Variants in MRPS27 observed in about 807,000 individuals in gnomAD.
MRPS27 encodes mitochondrial ribosomal protein S27.
MRPS27 carries 43 observed loss-of-function variants against 48.9 expected under a neutral mutation model. The ratio of observed to expected loss-of-function variants is 0.88; its 90% CI spans 0.69 to 1.13. The LOEUF is 1.13. Ranked by LOEUF, MRPS27 falls within the 50% of genes most tolerant of loss-of-function variation. The pLI is 0.00. For missense variants in MRPS27, 467 were observed against 476.3 expected (o/e 0.98, Z 0.18); for synonymous variants, 188 against 171.9 (o/e 1.09, Z -0.73).
Position 72,270,634 on chromosome 5 carries a change from G to A in MRPS27, c.281+24897C>T, listed in dbSNP as rs562953776. Among the ~76,000 whole-genome samples, 3 of 152,236 alleles carry A rather than the reference G, an allele frequency of 2.0e-5. No homozygotes were observed. The East Asian group carries it at 5.8e-4, about 29-fold the overall frequency. ...AAACAAACTTTCAGAAAATAAAGAA[G>A]GGAACATTTCCCAATACATTTTGTG... On this transcript the variant is annotated intron_variant, in intron 4 of 10. Coordinates refer to ENST00000261413, the MANE Select transcript of MRPS27 (RefSeq NM_015084.3).
chr5:72,280,882 C>T (rs909524992), intron 4 of MRPS27, among the ~76,000 whole-genome samples: 6 of 152,194 alleles, frequency 3.9e-5, no homozygotes, highest in Non-Finnish European at 5.9e-5. Context: ...TCTGTTGCCC[C>T]CTTCTGGTTT....
chr5:72,303,595 C>T (rs1306159200), intron 2 of MRPS27, among the ~76,000 whole-genome samples: 1 of 151,638 alleles, frequency 6.6e-6, no homozygotes, highest in African/African-American at 2.4e-5. Context: ...TCAAAAGTGG[C>T]CAGAAAGAAA....
At chr5:72,264,586 T>C (rs1017022116) in intron 4 of MRPS27, among the ~76,000 whole-genome samples, 6 of 152,112 alleles carry the variant, frequency 3.9e-5, no homozygotes, top group Non-Finnish European at 8.8e-5. Context: ...CTTAATCCAA[T>C]ACAATTGACA....
intron 2 of MRPS27, among the ~76,000 whole-genome samples, chr5:72,304,835 C>T (rs942515187): frequency 1.3e-5 from 2 of 152,164 alleles, no homozygotes; most frequent in Non-Finnish European, 2.9e-5. Context: ...TACATAACTG[C>T]ACATTACTGT....
intron 2 of MRPS27, among the ~76,000 whole-genome samples, chr5:72,308,488 C>T (rs1173282108): frequency 1.3e-5 from 2 of 152,186 alleles, no homozygotes; most frequent in African/African-American, 4.8e-5. Context: ...CAGCGCTCCA[C>T]ATGCTGGGCG....
intron 2 of MRPS27, among the ~76,000 whole-genome samples, chr5:72,303,818 G>C (rs1750183992): frequency 6.7e-6 from 1 of 149,956 alleles, no homozygotes; most frequent in South Asian, 2.1e-4. Context: ...GGAGGCTGAG[G>C]TGGGAGGATC....
chr5:72,272,053 G>C (rs1389499889), intron 4 of MRPS27, among the ~76,000 whole-genome samples: 1 of 151,976 alleles, frequency 6.6e-6, no homozygotes, highest in East Asian at 1.9e-4. Context: ...AACAAAGTAA[G>C]GATGGTTGCA....
chr5:72,314,191 G>C (rs1227852889), intron 1 of MRPS27, 33 bp from the exon 2 acceptor site: 1 of 1,494,048 alleles, frequency 6.7e-7, no homozygotes, highest in South Asian at 1.1e-5. Context: ...CAACACACAT[G>C]GTTTTACAAG....
intron 10 of MRPS27, among the ~76,000 whole-genome samples, chr5:72,222,972 G>T (rs1747789063): frequency 6.6e-6 from 1 of 152,210 alleles, no homozygotes; most frequent in Admixed American, 6.5e-5. Flanking sequence ...AAGTGGGAAA[G>T]TTTTTTGCTG....
Position 72,223,927 on chromosome 5 carries a change from C to T in MRPS27, c.838-77G>A, listed in dbSNP as rs767485854. ...CATGGTGAAGAAAGGCTAGAGAAGG[C>T]GAAAGAAAGGAAGAATGAGCTCTAA... On this transcript the variant is annotated intron_variant, in intron 9 of 10. Transcript: ENST00000261413. The T allele has an allele frequency of 1.0e-4, 142 of 1,422,938 alleles. 1 individual carries two copies. The highest frequency in any genetic ancestry group is 1.1e-4 in the Non-Finnish European group (115 of 1,046,100). 88.1% of individuals were successfully genotyped at this position (1,422,938 alleles called of 1,614,324 possible). A position where few individuals can be genotyped will look rare whatever the true frequency, so the allele number is the denominator to read the frequency against.
At chr5:72,274,344 A>G (rs1749321613) in intron 4 of MRPS27, among the ~76,000 whole-genome samples, 1 of 152,154 alleles carries the variant, frequency 6.6e-6, no homozygotes, top group Non-Finnish European at 1.5e-5. Flanking sequence ...ACAGAGTGAG[A>G]CTCTGTCTCA....
chr5:72,305,323 A>C (rs1750231956), intron 2 of MRPS27, among the ~76,000 whole-genome samples: 1 of 152,206 alleles, frequency 6.6e-6, no homozygotes, highest in Non-Finnish European at 1.5e-5. Context: ...TTAAGAAAGC[A>C]GACTTCAGAA....
intron 4 of MRPS27, among the ~76,000 whole-genome samples, chr5:72,274,490 A>T (rs915261979): frequency 7.9e-5 from 12 of 152,240 alleles, no homozygotes; most frequent in Admixed American, 2.6e-4. Context: ...ACAGACATGG[A>T]GCTGGCATCT....
At chr5:72,259,867 A>C (rs1748920422) in intron 4 of MRPS27, among the ~76,000 whole-genome samples, 1 of 152,100 alleles carries the variant, frequency 6.6e-6, no homozygotes, top group African/African-American at 2.4e-5. Context: ...GTATTGTTTA[A>C]TTTTAAATTT....
intron 2 of MRPS27, among the ~76,000 whole-genome samples, chr5:72,309,677 G>A (rs772522616): frequency 6.6e-6 from 1 of 152,182 alleles, no homozygotes; most frequent in Non-Finnish European, 1.5e-5. Flanking sequence ...ACCAAACCTA[G>A]TGGCCTCATT....
Position 72,271,031 on chromosome 5 carries a change from C to CATT in MRPS27, c.281+24499_281+24500insAAT, listed in dbSNP as rs577400629. Among the ~76,000 whole-genome samples, 564 of 152,262 alleles carry CATT rather than the reference C, an allele frequency of 3.7e-3. 1 individual carries two copies. Among genetic ancestry groups the CATT allele is most frequent in the African/African-American group, 0.013 (548 of 41,550 alleles). Reference sequence around the variant, plus strand: ...TCTATGAAAAACCTACAGCTAACATCGTTAATGGTGAAATATTAAATATTT... The same window carrying CATT: ...TCTATGAAAAACCTACAGCTAACATCATTGTTAATGGTGAAATATTAAATATTT... On this transcript the variant is annotated intron_variant, in intron 4 of 10. Coordinates refer to ENST00000261413, the MANE Select transcript of MRPS27 (RefSeq NM_015084.3).
intron 4 of MRPS27, among the ~76,000 whole-genome samples, chr5:72,247,489 T>C (rs963011031): frequency 1.3e-5 from 2 of 152,174 alleles, no homozygotes; most frequent in African/African-American, 2.4e-5. Flanking sequence ...CCCCACCATA[T>C]GGTACCCACT....
At chr5:72,259,038 TG>T (rs1192413022) in intron 4 of MRPS27, among the ~76,000 whole-genome samples, 3 of 152,136 alleles carry the variant, frequency 2.0e-5, no homozygotes, top group Admixed American at 6.5e-5. Flanking sequence ...CCCCCAACCA[TG>T]GTTCTTTGTT....
At chr5:72,302,365 T>G (rs1750147837) in intron 2 of MRPS27, among the ~76,000 whole-genome samples, 2 of 152,132 alleles carry the variant, frequency 1.3e-5, no homozygotes, top group Admixed American at 1.3e-4. Flanking sequence ...TCCCTGGGTT[T>G]GAGGTAGCAC....
Sources: allele counts gnomAD v4.1 joint callset (sites outside exome capture counted in the v4.1 genomes callset), GRCh38; gene constraint gnomAD v4.1.1; transcripts MANE v1.5; gene names NCBI Gene and HGNC (gene_info 2026-07-23, HGNC 2026-07-21).